Variants in TWSG1 observed in about 807,000 individuals in gnomAD.
TWSG1 encodes twisted gastrulation protein homolog 1.
In TWSG1, 15 loss-of-function variants were observed where a neutral mutation model predicts 23.0. The ratio of observed to expected loss-of-function variants is 0.65; its 90% confidence interval spans 0.44 to 1.00. TWSG1 has a LOEUF of 1.00. Among genes scored for constraint, TWSG1 ranks in the 50% least tolerant of loss-of-function variants. The pLI is 0.00. For missense variants in TWSG1, 242 were observed against 278.7 expected, an observed-to-expected ratio of 0.87 and a Z score of 0.94; for synonymous variants, 86 against 92.8, an observed-to-expected ratio of 0.93 and a Z score of 0.42.
intron 2 of TWSG1, among the ~76,000 whole-genome samples, chr18:9,354,427 CT>C (rs1467494185): frequency 2.0e-5 from 3 of 152,176 alleles, no homozygotes; most frequent in Non-Finnish European, 4.4e-5. Context: ...TTCCATTCAA[CT>C]GAGCAGAACC....
chr18:9,342,985 A>G (rs953527565), intron 2 of TWSG1, among the ~76,000 whole-genome samples: 1 of 152,088 alleles, frequency 6.6e-6, no homozygotes, highest in Non-Finnish European at 1.5e-5. Context: ...ATAGCATTCC[A>G]TATTGCCAAT....
intron 3 of TWSG1, among the ~76,000 whole-genome samples, chr18:9,395,111 T>C (rs1413912586): frequency 6.6e-6 from 1 of 152,228 alleles, no homozygotes; most frequent in Non-Finnish European, 1.5e-5. Context: ...TTAGTCTTTC[T>C]CTTGACAGTG....
chr18:9,339,147 G>A (rs1421776906), intron 2 of TWSG1, among the ~76,000 whole-genome samples: 1 of 151,828 alleles, frequency 6.6e-6, no homozygotes, highest in Non-Finnish European at 1.5e-5. Context: ...TGAGGCTGCA[G>A]TGAGCTATGA....
At chr18:9,362,767 A>G (rs1435870302) in intron 3 of TWSG1, among the ~76,000 whole-genome samples, 1 of 152,198 alleles carries the variant, frequency 6.6e-6, no homozygotes, top group East Asian at 1.9e-4. Context: ...TTATATCTCT[A>G]CAATTTTAGA....
chr18:9,344,175 G>C (rs187555106), intron 2 of TWSG1, among the ~76,000 whole-genome samples: 1 of 152,224 alleles, frequency 6.6e-6, no homozygotes, highest in East Asian at 1.9e-4. Flanking sequence ...CAAAGTTCTG[G>C]GGTTACAGGT....
chr18:9,335,819 C>T (rs1413289495), intron 1 of TWSG1, among the ~76,000 whole-genome samples: 1 of 152,158 alleles, frequency 6.6e-6, no homozygotes, highest in Non-Finnish European at 1.5e-5. Context: ...CTTTAATGTA[C>T]TTTGTAACAC....
chr18:9,344,946 G>A (rs1263343312), intron 2 of TWSG1, among the ~76,000 whole-genome samples: 1 of 151,846 alleles, frequency 6.6e-6, no homozygotes, highest in Non-Finnish European at 1.5e-5. Context: ...TTATAGGGAT[G>A]GGGGGTCTCA....
chr18:9,375,166 CAAAAAAAAA>C (rs34522798), intron 3 of TWSG1, among the ~76,000 whole-genome samples: 5 of 89,780 alleles, frequency 5.6e-5, no homozygotes, highest in Non-Finnish European at 1.1e-4. Flanking sequence ...TACTCCGTCT[CAAAAAAAAA>C]AAAAAAAAAA....
chr18:9,399,858 G>T lies in TWSG1; in HGVS notation c.*331G>T, dbSNP rs1373298779. On this transcript the variant is annotated 3_prime_UTR_variant, in exon 5 of 5. Coordinates refer to ENST00000262120, the MANE Select transcript of TWSG1 (RefSeq NM_020648.6). ...GTGGTTTTCCTCTAGCATTCCAAAA[G>T]GTTTTTGCTTTGAAAGTGTTAGCAG... The T allele has an allele frequency of 2.2e-5, 4 of 180,502 alleles. No individual in the cohort carries two copies. In the East Asian group the frequency reaches 4.6e-4, roughly 21 times the overall value. The allele number at this position is 180,502 out of a possible 1,614,324, so 11.2% of individuals were successfully genotyped here.
chr18:9,370,593 T>A (rs1038142040), intron 3 of TWSG1, among the ~76,000 whole-genome samples: 2 of 152,064 alleles, frequency 1.3e-5, no homozygotes, highest in South Asian at 4.2e-4. Flanking sequence ...AAGACTAGAG[T>A]CATTTAGGCC....
At position 9,360,077 on chromosome 18, in the gene TWSG1, T is replaced by TGTAATCCTCGAAATTATAG; in HGVS notation, c.223+6_223+7insGTAATCCTCGAAATTATAG. 1 of 1,607,210 alleles carries TGTAATCCTCGAAATTATAG rather than the reference T, an allele frequency of 6.2e-7. No homozygotes were observed. The highest frequency in any genetic ancestry group is 8.5e-7 in the Non-Finnish European group (1 of 1,174,196). On this transcript the variant is annotated splice_region_variant and intron_variant, in intron 3 of 4. Coordinates refer to ENST00000262120, the MANE Select transcript of TWSG1 (RefSeq NM_020648.6). ...CGAGTGCTGTGACTGTGTTGGTAAG[T>TGTAATCCTCGAAATTATAG]TGATACCAAGGGAGACTTCTTAATA...
At chr18:9,342,307 T>TTA (rs780651159) in intron 2 of TWSG1, among the ~76,000 whole-genome samples, 1 of 152,220 alleles carries the variant, frequency 6.6e-6, no homozygotes, top group Non-Finnish European at 1.5e-5. Context: ...ATTGTGAGGA[T>TTA]TAGGTGTAAA....
chr18:9,380,122 T>C (rs951741544), intron 3 of TWSG1, among the ~76,000 whole-genome samples: 1 of 152,228 alleles, frequency 6.6e-6, no homozygotes, highest in Non-Finnish European at 1.5e-5. Context: ...TAAATTGGAT[T>C]TGATCTAGTC....
chr18:9,356,324 G>A (rs1314673187), intron 2 of TWSG1, among the ~76,000 whole-genome samples: 3 of 152,142 alleles, frequency 2.0e-5, no homozygotes, highest in East Asian at 1.9e-4. Flanking sequence ...AAGTTCAAGC[G>A]ACTTTTAAAT....
At chr18:9,398,057 G>A (rs1286052117) in intron 4 of TWSG1, among the ~76,000 whole-genome samples, 1 of 147,052 alleles carries the variant, frequency 6.8e-6, no homozygotes, top group East Asian at 2.0e-4. Context: ...TGTGAGCTTC[G>A]AACATTAATA....
intron 2 of TWSG1, among the ~76,000 whole-genome samples, chr18:9,344,373 A>G (rs2040464232): frequency 6.6e-6 from 1 of 152,048 alleles, no homozygotes; most frequent in Non-Finnish European, 1.5e-5. Flanking sequence ...TAGTTTCCCT[A>G]TAGCCTCACC....
chr18:9,371,688 T>A (rs2040605987), intron 3 of TWSG1, among the ~76,000 whole-genome samples: 1 of 152,136 alleles, frequency 6.6e-6, no homozygotes, highest in Non-Finnish European at 1.5e-5. Flanking sequence ...TCTGCCTTTT[T>A]AGAAGACATT....
chr18:9,401,951 T>C lies in TWSG1; in HGVS notation c.*2424T>C, dbSNP rs991011933. 5 of 152,188 alleles carry C rather than the reference T, an allele frequency of 3.3e-5. No homozygotes were observed. Among genetic ancestry groups the C allele is most frequent in the African/African-American group, 1.2e-4 (5 of 41,470 alleles). 9.4% of individuals were successfully genotyped at this position (152,188 alleles called of 1,614,324 possible). A position where few individuals can be genotyped will look rare whatever the true frequency, so the allele number is the denominator to read the frequency against. Reference sequence around the variant, plus strand: ...GCCATATATAAAAGATCCTTTCTTATAGTAAGACTTGTGCTTGTTAGCAGG... The same window carrying C: ...GCCATATATAAAAGATCCTTTCTTACAGTAAGACTTGTGCTTGTTAGCAGG... On this transcript the variant is annotated 3_prime_UTR_variant, in exon 5 of 5. Coordinates refer to ENST00000262120, the MANE Select transcript of TWSG1 (RefSeq NM_020648.6).
intron 2 of TWSG1, among the ~76,000 whole-genome samples, chr18:9,342,508 TA>T (rs1229997756): frequency 6.6e-6 from 1 of 152,246 alleles, no homozygotes; most frequent in Non-Finnish European, 1.5e-5. Flanking sequence ...ACATAGGTAC[TA>T]TGATTACATT....
Sources: gnomAD v4.1 joint callset for allele counts (sites outside exome capture counted in the v4.1 genomes callset) on GRCh38, gnomAD v4.1.1 for gene constraint, MANE v1.5 for transcripts, NCBI Gene and HGNC (gene_info 2026-07-23, HGNC 2026-07-21) for gene names.